SETD3: variants seen among roughly 807,000 people sequenced by gnomAD.
The protein encoded by SETD3 is actin-histidine N-methyltransferase.
In SETD3, 19 loss-of-function variants were observed where a neutral mutation model predicts 63.0. The ratio of observed to expected loss-of-function variants is 0.30; its 90% CI spans 0.21 to 0.44. The LOEUF is 0.44. Ranked by LOEUF, SETD3 falls within the 20% of genes least tolerant of loss-of-function variation. The pLI is 1.00. For missense variants in SETD3, 587 were observed against 728.5 expected (o/e 0.81, Z 2.24); for synonymous variants, 286 against 264.1 (o/e 1.08, Z -0.80).
intron 1 of SETD3, among the ~76,000 whole-genome samples, chr14:99,475,146 C>A (rs1379698634): frequency 6.6e-6 from 1 of 152,102 alleles, no homozygotes; most frequent in South Asian, 2.1e-4. Flanking sequence ...AGCTGTAATC[C>A]GTCAAGAAAT....
At chr14:99,458,203 G>A (rs1008017382) in intron 6 of SETD3, 76 bp downstream of exon 6, 2 of 1,456,810 alleles carry the variant, frequency 1.4e-6, no homozygotes, top group Non-Finnish European at 1.9e-6. Flanking sequence ...GACATCAAAT[G>A]GAATATTTAT....
chr14:99,414,592 T>C (rs1892190465), intron 6 of SETD3, among the ~76,000 whole-genome samples: 1 of 152,224 alleles, frequency 6.6e-6, no homozygotes, highest in South Asian at 2.1e-4. Flanking sequence ...AAATTTTACT[T>C]CTTTCCTGGA....
intron 6 of SETD3, among the ~76,000 whole-genome samples, chr14:99,445,471 T>C (rs1276052374): frequency 6.6e-6 from 1 of 152,338 alleles, no homozygotes; most frequent in African/African-American, 2.4e-5. Flanking sequence ...ATGTTAATAA[T>C]AGCTGATGTC....
intron 11 of SETD3, among the ~76,000 whole-genome samples, chr14:99,401,869 C>T (rs930246780): frequency 6.6e-6 from 1 of 152,190 alleles, no homozygotes; most frequent in Non-Finnish European, 1.5e-5. Context: ...AGAGCTTTCT[C>T]TCCGCTACTT....
intron 6 of SETD3, among the ~76,000 whole-genome samples, chr14:99,438,803 G>A (rs1210915782): frequency 6.6e-6 from 1 of 152,104 alleles, no homozygotes; most frequent in Admixed American, 6.5e-5. Context: ...GGCTCTTCAG[G>A]ACCTAGTCCT....
chr14:99,449,296 AG>A (rs1253527603), intron 6 of SETD3, among the ~76,000 whole-genome samples: 1 of 152,242 alleles, frequency 6.6e-6, no homozygotes, highest in Non-Finnish European at 1.5e-5. Flanking sequence ...GGTGAGAAAC[AG>A]GATATTTGAT....
chr14:99,466,078 CTA>C lies in SETD3; in HGVS notation c.-8-267_-8-266del, dbSNP rs1469121400. Reference sequence around the variant, plus strand: ...AAACTATAGTAGAGCAAATTTTACTCTAGATTTTTTTTTAATTACATAGATTT... The same window carrying C: ...AAACTATAGTAGAGCAAATTTTACTCGATTTTTTTTTAATTACATAGATTT... On this transcript the variant is annotated intron_variant, in intron 1 of 12. Coordinates refer to ENST00000331768, the MANE Select transcript of SETD3 (RefSeq NM_032233.3). 5.3e-5 allele frequency among the ~76,000 whole-genome samples: 8 copies of C among 151,900 alleles called. No individual in the cohort carries two copies. The East Asian group carries it at 1.3e-3, about 26-fold the overall frequency.
At chr14:99,420,696 T>C (rs1050365676) in intron 6 of SETD3, among the ~76,000 whole-genome samples, 1 of 152,116 alleles carries the variant, frequency 6.6e-6, no homozygotes, top group African/African-American at 2.4e-5. Context: ...TCTCATTTTT[T>C]TCCCCAAATC....
At chr14:99,447,911 C>T (rs72704570) in intron 6 of SETD3, among the ~76,000 whole-genome samples, 12,686 of 152,256 alleles carry the variant, frequency 0.083, 619 homozygotes, top group East Asian at 0.19. Context: ...TGCCAGCAAG[C>T]TCACAGGCTG....
At chr14:99,402,587 T>C (rs1891444455) in intron 11 of SETD3, among the ~76,000 whole-genome samples, 1 of 152,136 alleles carries the variant, frequency 6.6e-6, no homozygotes, top group Non-Finnish European at 1.5e-5. Flanking sequence ...CAGCCAACTT[T>C]ATACTCTTCC....
At chr14:99,440,715 C>T (rs1566711294) in intron 6 of SETD3, among the ~76,000 whole-genome samples, 1 of 150,550 alleles carries the variant, frequency 6.6e-6, no homozygotes, top group Non-Finnish European at 1.5e-5. Flanking sequence ...AGGTAAGAGG[C>T]CTTGTAGGGA....
chr14:99,463,836 G>C (rs1895217153), intron 2 of SETD3, among the ~76,000 whole-genome samples: 1 of 152,188 alleles, frequency 6.6e-6, no homozygotes, highest in Non-Finnish European at 1.5e-5. Context: ...CAAGCACCTA[G>C]CTCACATCCA....
intron 6 of SETD3, among the ~76,000 whole-genome samples, chr14:99,440,716 C>G (rs1893756151): frequency 6.7e-6 from 1 of 149,750 alleles, no homozygotes. Flanking sequence ...GGTAAGAGGC[C>G]TTGTAGGGAA....
At chr14:99,466,351 C>A (rs555699851) in intron 1 of SETD3, among the ~76,000 whole-genome samples, 2 of 152,266 alleles carry the variant, frequency 1.3e-5, no homozygotes, top group South Asian at 4.1e-4. Flanking sequence ...ATGGGAAATC[C>A]CAAGCACCTT....
chr14:99,399,717 A>G (rs1395864847), intron 12 of SETD3, among the ~76,000 whole-genome samples: 2 of 151,230 alleles, frequency 1.3e-5, no homozygotes, highest in Non-Finnish European at 2.9e-5. Context: ...AGTAGTTTAG[A>G]ATTAACAAGA....
intron 6 of SETD3, among the ~76,000 whole-genome samples, chr14:99,415,637 G>A (rs1892251142): frequency 6.6e-6 from 1 of 151,738 alleles, no homozygotes; most frequent in Non-Finnish European, 1.5e-5. Flanking sequence ...ATGTGTCACT[G>A]CATTCTTCAG....
At chr14:99,448,961 C>G (rs894391208) in intron 6 of SETD3, among the ~76,000 whole-genome samples, 2 of 152,176 alleles carry the variant, frequency 1.3e-5, no homozygotes, top group African/African-American at 2.4e-5. Context: ...AAGACACATA[C>G]TCTCAAATTA....
intron 5 of SETD3, among the ~76,000 whole-genome samples, chr14:99,458,774 C>CAAAAAAAAAAA: frequency 2.2e-5 from 2 of 89,544 alleles, no homozygotes; most frequent in African/African-American, 4.5e-5. Context: ...CCCATCACTA[C>CAAAAAAAAAAA]AAAAAAAAAA....
intron 1 of SETD3, among the ~76,000 whole-genome samples, chr14:99,478,203 A>C (rs2139827840): frequency 6.6e-6 from 1 of 152,346 alleles, no homozygotes; most frequent in Middle Eastern, 3.4e-3. Flanking sequence ...AAAGTAACAT[A>C]AGAATAAAGA....
Sources: allele counts gnomAD v4.1 joint callset (sites outside exome capture counted in the v4.1 genomes callset), GRCh38; gene constraint gnomAD v4.1.1; transcripts MANE v1.5; gene names NCBI Gene and HGNC (gene_info 2026-07-23, HGNC 2026-07-21).